The following LNX1 variants were observed in gnomAD, a reference collection of about 807,000 sequenced individuals.
LNX1 encodes E3 ubiquitin-protein ligase LNX.
A neutral mutation model predicts 68.4 loss-of-function variants in LNX1; 54 were observed. The observed-to-expected ratio is 0.79, with a 90% CI of 0.63 to 0.99. The LOEUF is 0.99. Ranked by LOEUF, LNX1 falls within the 50% of genes least tolerant of loss-of-function variation. LNX1 has a pLI of 0.00. For synonymous variants in LNX1, 336 were observed against 350.0 expected (o/e 0.96, Z 0.45); for missense variants, 906 against 926.4 (o/e 0.98, Z 0.29).
At chr4:53,559,425 T>C (rs1730127300) in intron 2 of LNX1, among the ~76,000 whole-genome samples, 1 of 152,176 alleles carries the variant, frequency 6.6e-6, no homozygotes, top group African/African-American at 2.4e-5. Flanking sequence ...GTTTGATATG[T>C]AGGTGCTGGG....
In LNX1 at chr4:53,507,348, C is replaced by T. The variant is rs1256856349; in HGVS notation, c.744G>A (p.Arg248=). ...SAVANHADQG[R]ENSENTTAPE... ...GGGCAGTGGTGTTTTCAGAATTTTC[C>T]CTGCCCTGGTCGGCATGGTTGGCAA... The change falls in exon 4 of 11, where the codon AGG becomes AGA. Residue 248 remains arginine, a synonymous_variant. Transcript: ENST00000263925. The T allele has an allele frequency of 3.7e-6, 6 of 1,614,094 alleles. No homozygotes were observed. The highest frequency in any genetic ancestry group is 5.1e-6 in the Non-Finnish European group (6 of 1,180,006).
chr4:53,591,092 T>A (rs1183877438), intron 1 of LNX1, among the ~76,000 whole-genome samples: 1 of 152,174 alleles, frequency 6.6e-6, no homozygotes, highest in African/African-American at 2.4e-5. Flanking sequence ...TCACTCTACT[T>A]CTCTTTAGGT....
intron 1 of LNX1, among the ~76,000 whole-genome samples, chr4:53,577,342 T>C: frequency 6.6e-6 from 1 of 152,228 alleles, no homozygotes; most frequent in Non-Finnish European, 1.5e-5. Context: ...GTCTTGGTTA[T>C]TCTTTCTCAT....
At chr4:53,520,918 T>C (rs1349767015) in intron 2 of LNX1, among the ~76,000 whole-genome samples, 1 of 152,190 alleles carries the variant, frequency 6.6e-6, no homozygotes, top group Non-Finnish European at 1.5e-5. Flanking sequence ...GCCAAGATCG[T>C]ACCACTGCAC....
At chr4:53,643,050 C>T (rs1734746167) in intron 1 of LNX1, among the ~76,000 whole-genome samples, 2 of 152,146 alleles carry the variant, frequency 1.3e-5, no homozygotes, top group African/African-American at 4.8e-5. Flanking sequence ...TAGGTTGAGC[C>T]TAGGGTGTTG....
intron 2 of LNX1, among the ~76,000 whole-genome samples, chr4:53,572,324 C>T (rs1410456030): frequency 1.3e-5 from 2 of 152,198 alleles, no homozygotes; most frequent in African/African-American, 2.4e-5. Flanking sequence ...CTAGTTTAAA[C>T]ACCAGCAATA....
intron 7 of LNX1, among the ~76,000 whole-genome samples, chr4:53,479,837 C>T (rs1429889712): frequency 6.6e-6 from 1 of 152,104 alleles, no homozygotes; most frequent in Admixed American, 6.6e-5. Context: ...ACATTTTAGA[C>T]AAGTAAAAAA....
At chr4:53,601,238 CT>C (rs1344783544) in intron 2 of LNX1, among the ~76,000 whole-genome samples, 21 of 151,980 alleles carry the variant, frequency 1.4e-4, no homozygotes, top group Non-Finnish European at 1.5e-5. Flanking sequence ...CCCTAAGTTC[CT>C]TGTTTGTGAT....
chr4:53,592,276 T>C (rs1215383351), upstream of LNX1, among the ~76,000 whole-genome samples: 1 of 152,204 alleles, frequency 6.6e-6, no homozygotes, highest in Non-Finnish European at 1.5e-5. Context: ...TCTGCTGATA[T>C]AGCCAGGAAA....
At chr4:53,570,810 G>A (rs901138252) in intron 2 of LNX1, among the ~76,000 whole-genome samples, 1 of 150,822 alleles carries the variant, frequency 6.6e-6, no homozygotes, top group Non-Finnish European at 1.5e-5. Context: ...GGCGGATCAC[G>A]AGGTCAGGAG....
At chr4:53,476,579 G>A (rs1220233715) in intron 9 of LNX1, among the ~76,000 whole-genome samples, 174 bp downstream of exon 9, 12 of 152,168 alleles carry the variant, frequency 7.9e-5, no homozygotes, top group Non-Finnish European at 1.5e-4. Flanking sequence ...TAGAATGTCC[G>A]CATGCATTTT....
intron 1 of LNX1, among the ~76,000 whole-genome samples, chr4:53,645,433 C>A (rs897891405): frequency 2.9e-4 from 44 of 152,154 alleles, no homozygotes; most frequent in African/African-American, 9.9e-4. Context: ...ATTGGGGTTA[C>A]CCAATGGGGT....
chr4:53,650,307 C>T (rs759164548), intron 1 of LNX1, among the ~76,000 whole-genome samples: 3 of 152,200 alleles, frequency 2.0e-5, no homozygotes, highest in Non-Finnish European at 2.9e-5. Context: ...TCCAGAATTC[C>T]AGGAGCCAGC....
At chr4:53,592,344 G>T (rs1394212676), upstream of LNX1, among the ~76,000 whole-genome samples, 3 of 152,136 alleles carry the variant, frequency 2.0e-5, no homozygotes, top group Admixed American at 2.0e-4. Context: ...CAAGTCACTG[G>T]TTGCTTCACC....
At chr4:53,523,657 T>C (rs1241418881) in intron 2 of LNX1, among the ~76,000 whole-genome samples, 2 of 152,208 alleles carry the variant, frequency 1.3e-5, no homozygotes, top group Admixed American at 1.3e-4. Flanking sequence ...AGTAGGAGAC[T>C]AGGAGACTAG....
At chr4:53,501,281 C>CTTTT (rs11401056) in intron 4 of LNX1, among the ~76,000 whole-genome samples, 1 of 63,696 alleles carries the variant, frequency 1.6e-5, no homozygotes, top group Non-Finnish European at 2.9e-5. Context: ...TGATAATAAT[C>CTTTT]TTTTTTTTTT....
intron 4 of LNX1, chr4:53,501,768 T>C (rs1207241853): frequency 6.6e-6 from 1 of 152,202 alleles, no homozygotes; most frequent in African/African-American, 2.4e-5. Flanking sequence ...TTTGAAAGCA[T>C]TGTTGCCTCA....
rs142370075 is a variant in LNX1 at position 53,599,789 on chromosome 4, C to T, written c.-214-8274G>A. Among the ~76,000 whole-genome samples the T allele has an allele frequency of 6.1e-3, 934 of 152,232 alleles. 5 individuals are homozygous for T. The highest frequency in any genetic ancestry group is 0.021 in the African/African-American group (873 of 41,538). On this transcript the variant is annotated intron_variant, in intron 2 of 3. Coordinates refer to the LNX1 transcript ENST00000504299. The stretch of plus-strand genomic sequence containing the variant: ...ACTTTCAGATTCTATGTATGTCACC[C>T]GAGAAAACCTATACCTCTTATAGCT...
chr4:53,572,016 T>A (rs2109775102), intron 2 of LNX1, among the ~76,000 whole-genome samples: 1 of 152,264 alleles, frequency 6.6e-6, no homozygotes, highest in Admixed American at 6.5e-5. Flanking sequence ...CAACAAGAAA[T>A]GAACACAGCT....
Sources: allele counts gnomAD v4.1 joint callset (sites outside exome capture counted in the v4.1 genomes callset), GRCh38; gene constraint gnomAD v4.1.1; transcripts MANE v1.5; gene names NCBI Gene and HGNC (gene_info 2026-07-23, HGNC 2026-07-21).